The following NBAS variants were observed in gnomAD, a reference collection of about 807,000 sequenced individuals.
NBAS encodes NAG/BC035112 fusion.
In NBAS, 219 loss-of-function variants were observed where a neutral mutation model predicts 302.5. The ratio of observed to expected loss-of-function variants is 0.72; its 90% CI spans 0.65 to 0.81. NBAS has a LOEUF of 0.81. Among genes scored for constraint, NBAS ranks in the 30% least tolerant of loss-of-function variants. The pLI, the probability that NBAS is intolerant of heterozygous loss-of-function variation, is 0.00. For synonymous variants in NBAS, 1,118 were observed against 1,021.6 expected (o/e 1.09, Z -1.80); for missense variants, 2,932 against 2,841.6 (o/e 1.03, Z -0.72).
At chr2:14,978,152 T>C in the NBAS span, among the ~76,000 whole-genome samples, 1 of 152,182 alleles carries the variant, frequency 6.6e-6, no homozygotes, top group Non-Finnish European at 1.5e-5. Context: ...AAATTCCACG[T>C]ATTCCTTTAA....
chr2:14,803,390 C>G, the NBAS span, among the ~76,000 whole-genome samples: 34 of 152,260 alleles, frequency 2.2e-4, no homozygotes, highest in African/African-American at 8.2e-4. Context: ...TTGTGCAGCT[C>G]TATTTTCTGT....
chr2:15,466,507 A>C (rs1679730289), intron 19 of NBAS, among the ~76,000 whole-genome samples: 1 of 152,186 alleles, frequency 6.6e-6, no homozygotes. Flanking sequence ...GTGCTACTGA[A>C]ATGCCCAACA....
chr2:15,464,641 C>T (rs902728663), intron 19 of NBAS, among the ~76,000 whole-genome samples: 1 of 152,118 alleles, frequency 6.6e-6, no homozygotes, highest in African/African-American at 2.4e-5. Context: ...TCTTCTCTGC[C>T]CCTCTTCACA....
chr2:15,038,700 A>C, the NBAS span, among the ~76,000 whole-genome samples: 1 of 83,878 alleles, frequency 1.2e-5, no homozygotes, highest in Non-Finnish European at 2.3e-5. Flanking sequence ...CTCCCCGAGG[A>C]CAAGCAGCAG....
At chr2:14,969,544 T>C in the NBAS span, among the ~76,000 whole-genome samples, 1 of 131,506 alleles carries the variant, frequency 7.6e-6, no homozygotes, top group Non-Finnish European at 1.8e-5. Flanking sequence ...ACGCGGCTAA[T>C]TTTTTTATTT....
the NBAS span, among the ~76,000 whole-genome samples, chr2:14,838,018 C>T: frequency 2.0e-5 from 3 of 151,892 alleles, no homozygotes; most frequent in South Asian, 6.2e-4. Context: ...TTTAAGATAT[C>T]ACTTAGTTTT....
At chr2:15,305,472 G>C (rs1319318216) in intron 40 of NBAS, among the ~76,000 whole-genome samples, 4 of 108,922 alleles carry the variant, frequency 3.7e-5, no homozygotes, top group African/African-American at 1.4e-4. Flanking sequence ...TTTTTTTTTA[G>C]ATGGAATTTC....
intron 48 of NBAS, among the ~76,000 whole-genome samples, chr2:15,199,303 G>A (rs889159187): frequency 2.0e-5 from 3 of 152,100 alleles, no homozygotes; most frequent in Admixed American, 6.6e-5. Flanking sequence ...GTGAGAACAT[G>A]TGATTAGTAT....
In NBAS at chr2:15,402,047, T is replaced by A. The variant is rs1343851230; in HGVS notation, c.3071+121A>T. ...TAGGATTGCAGATAATTTTATTTTC[T>A]TCCTTATGTTTTTTTCACATTCCCA... is the stretch of plus-strand genomic sequence containing the variant. On this transcript the variant is annotated intron_variant, in intron 26 of 51. Transcript: ENST00000281513. 4.8e-6 allele frequency: 5 copies of A among 1,049,654 alleles called. No homozygotes were observed. In the East Asian group the frequency reaches 9.6e-5, roughly 20 times the overall value. The allele number at this position is 1,049,654 out of a possible 1,614,324, so 65.0% of individuals were successfully genotyped here.
At chr2:15,162,302 G>T (rs1663918242), downstream of NBAS, among the ~76,000 whole-genome samples, 1 of 152,140 alleles carries the variant, frequency 6.6e-6, no homozygotes, top group Admixed American at 6.5e-5. Flanking sequence ...CCTTTCACTA[G>T]TGAAGCATCA....
At chr2:15,190,492 T>G in intron 48 of NBAS, 89 bp from the exon 49 acceptor site, 1 of 1,475,702 alleles carries the variant, frequency 6.8e-7, no homozygotes, top group South Asian at 1.2e-5. Flanking sequence ...ATTAAACTTT[T>G]TTTTAAAATG....
chr2:15,324,358 G>C (rs1247658994), intron 38 of NBAS, among the ~76,000 whole-genome samples: 1 of 152,080 alleles, frequency 6.6e-6, no homozygotes, highest in Non-Finnish European at 1.5e-5. Flanking sequence ...TTCCTCTCCA[G>C]GTATTGGAAT....
At chr2:15,026,381 G>A in the NBAS span, among the ~76,000 whole-genome samples, 14 of 27,342 alleles carry the variant, frequency 5.1e-4, 6 homozygotes, top group Admixed American at 3.7e-3. Flanking sequence ...GCGTGAACCC[G>A]GGAAGCGGAG....
intron 35 of NBAS, among the ~76,000 whole-genome samples, chr2:15,351,029 T>C (rs1673328910): frequency 6.6e-6 from 1 of 152,190 alleles, no homozygotes; most frequent in African/African-American, 2.4e-5. Flanking sequence ...ACTAGAGACA[T>C]GTACAAACGA....
intron 11 of NBAS, among the ~76,000 whole-genome samples, chr2:15,500,867 T>C (rs887790977): frequency 2.0e-5 from 3 of 149,924 alleles, no homozygotes; most frequent in African/African-American, 7.4e-5. Flanking sequence ...GAGCTTGCAA[T>C]GAGCCTAGAT....
At chr2:15,526,151 G>T (rs779210638) in intron 9 of NBAS, among the ~76,000 whole-genome samples, 10 of 152,174 alleles carry the variant, frequency 6.6e-5, no homozygotes, top group Non-Finnish European at 1.0e-4. Context: ...AAAGATGGCA[G>T]CGAGGTGTTG....
At chr2:15,044,901 A>G in the NBAS span, among the ~76,000 whole-genome samples, 1 of 152,234 alleles carries the variant, frequency 6.6e-6, no homozygotes, top group African/African-American at 2.4e-5. Context: ...GAAATAAAAC[A>G]TAAATACATT....
chr2:14,801,777 G>A, the NBAS span, among the ~76,000 whole-genome samples: 2 of 152,142 alleles, frequency 1.3e-5, no homozygotes, highest in East Asian at 1.9e-4. Context: ...GCTGAGGGAT[G>A]TGATTAAGTT....
Position 15,188,366 on chromosome 2 carries a change from C to T in NBAS, c.6573-1486G>A, listed in dbSNP as rs548979683. The stretch of plus-strand genomic sequence containing the variant: ...ACACTATCCTCCCTCTCTTCCACCC[C>T]CACTCCTTTTTTGGTGATTTATTTA... On this transcript the variant is annotated intron_variant, in intron 49 of 51. Coordinates refer to ENST00000281513, the MANE Select transcript of NBAS (RefSeq NM_015909.4). Among the ~76,000 whole-genome samples the T allele has an allele frequency of 3.3e-5, 5 of 152,336 alleles. No individual in the cohort carries two copies. The South Asian group carries it at 1.0e-3, about 32-fold the overall frequency.
Sources: allele counts gnomAD v4.1 joint callset (sites outside exome capture counted in the v4.1 genomes callset), GRCh38; gene constraint gnomAD v4.1.1; transcripts MANE v1.5; gene names NCBI Gene and HGNC (gene_info 2026-07-23, HGNC 2026-07-21).